KCNIP4: variants seen among roughly 807,000 people sequenced by gnomAD.
KCNIP4 encodes Kv channel-interacting protein 4.
Under a neutral mutation model 34.0 loss-of-function variants are expected in KCNIP4, and 12 were observed. The observed-to-expected ratio is 0.35, with a 90% CI of 0.23 to 0.57. KCNIP4 has a LOEUF of 0.57. Among genes scored for constraint, KCNIP4 ranks in the 20% least tolerant of loss-of-function variants. KCNIP4 has a pLI of 0.83. For synonymous variants in KCNIP4, 124 were observed against 102.2 expected, an observed-to-expected ratio of 1.21 and a Z score of -1.29; for missense variants, 238 against 311.7, an observed-to-expected ratio of 0.76 and a Z score of 1.78.
At chr4:21,737,811 A>C (rs1292829575) in intron 1 of KCNIP4, among the ~76,000 whole-genome samples, 1 of 152,134 alleles carries the variant, frequency 6.6e-6, no homozygotes, top group Admixed American at 6.6e-5. Flanking sequence ...TCAGCCGGGC[A>C]TGGTGGCTCA....
intron 1 of KCNIP4, among the ~76,000 whole-genome samples, chr4:21,299,190 A>T (rs1324520576): frequency 1.3e-5 from 2 of 152,116 alleles, no homozygotes; most frequent in Admixed American, 6.6e-5. Flanking sequence ...CATGTCTGAC[A>T]TATAGGTGAT....
Position 21,078,214 on chromosome 4 carries a change from T to A in KCNIP4, c.62-195505A>T, listed in dbSNP as rs73101767. Among the ~76,000 whole-genome samples the A allele has an allele frequency of 3.5e-3, 533 of 151,424 alleles. 5 individuals are homozygous for A. Among genetic ancestry groups the A allele is most frequent in the African/African-American group, 0.012 (507 of 41,262 alleles). ...AGAGTGACTGGAAAGAGTCAGGGAG[T>A]GCGGGAAAAGAGTCAAAGGTGATCC... On this transcript the variant is annotated intron_variant, in intron 1 of 8. Coordinates refer to ENST00000382152, the MANE Select transcript of KCNIP4 (RefSeq NM_025221.6).
intron 1 of KCNIP4, among the ~76,000 whole-genome samples, chr4:21,086,623 G>A (rs1342166799): frequency 6.7e-6 from 1 of 150,278 alleles, no homozygotes; most frequent in African/African-American, 2.4e-5. Context: ...ATGACTCCAA[G>A]ATGTGTTTGT....
intron 3 of KCNIP4, among the ~76,000 whole-genome samples, chr4:20,781,415 A>G (rs1560460631): frequency 6.6e-6 from 1 of 152,188 alleles, no homozygotes; most frequent in East Asian, 1.9e-4. Flanking sequence ...AAATGTTGGT[A>G]TATCAGTCCA....
intron 1 of KCNIP4, among the ~76,000 whole-genome samples, chr4:21,100,158 A>G (rs562756241): frequency 6.6e-6 from 1 of 152,336 alleles, no homozygotes; most frequent in Admixed American, 6.5e-5. Context: ...TAAAAGTTCT[A>G]TTGCAAGTAA....
intron 1 of KCNIP4, among the ~76,000 whole-genome samples, chr4:21,422,575 C>T (rs566147777): frequency 1.1e-4 from 16 of 151,908 alleles, no homozygotes; most frequent in African/African-American, 3.6e-4. Context: ...ATAAAGCAAT[C>T]TTGGGGGTGA....
chr4:21,821,328 T>C (rs770540638), intron 1 of KCNIP4, among the ~76,000 whole-genome samples: 2 of 152,106 alleles, frequency 1.3e-5, no homozygotes, highest in East Asian at 1.9e-4. Context: ...GTAGGTGCCA[T>C]TGAGGCCCAA....
intron 1 of KCNIP4, among the ~76,000 whole-genome samples, chr4:20,927,064 C>T (rs531551022): frequency 3.3e-5 from 5 of 151,570 alleles, no homozygotes; most frequent in Admixed American, 2.6e-4. Flanking sequence ...CTGCAACCTC[C>T]GCCTCCTGGG....
At chr4:21,202,763 C>A (rs2108958091) in intron 1 of KCNIP4, among the ~76,000 whole-genome samples, 1 of 152,268 alleles carries the variant, frequency 6.6e-6, no homozygotes, top group East Asian at 1.9e-4. Context: ...GATCTCTATA[C>A]CTCTAGTTAT....
intron 1 of KCNIP4, among the ~76,000 whole-genome samples, chr4:21,519,474 ATGTG>A (rs1307544272): frequency 1.0e-5 from 1 of 100,064 alleles, no homozygotes; most frequent in African/African-American, 4.2e-5. Flanking sequence ...GTGTATGTGT[ATGTG>A]TATATACACA....
chr4:21,798,391 AC>A (rs201910199), intron 1 of KCNIP4, among the ~76,000 whole-genome samples: 1,611 of 96,498 alleles, frequency 0.017, 29 homozygotes, highest in African/African-American at 0.061. Flanking sequence ...GTTTCCACAC[AC>A]ACAAAAAAAT....
chr4:21,565,291 A>G (rs76582430), intron 1 of KCNIP4, among the ~76,000 whole-genome samples: 1 of 152,102 alleles, frequency 6.6e-6, no homozygotes, highest in Non-Finnish European at 1.5e-5. Context: ...CATGGTAGAG[A>G]AAAAGTGATC....
chr4:20,836,213 C>T (rs1719023366), intron 3 of KCNIP4, among the ~76,000 whole-genome samples: 1 of 152,202 alleles, frequency 6.6e-6, no homozygotes, highest in Admixed American at 6.5e-5. Context: ...CATCTTATAT[C>T]ACCTTCTCCC....
chr4:21,529,634 G>C (rs1192404309), intron 1 of KCNIP4, among the ~76,000 whole-genome samples: 3 of 152,072 alleles, frequency 2.0e-5, no homozygotes, highest in African/African-American at 7.2e-5. Flanking sequence ...AAGACACCCT[G>C]GATGGTAGTA....
intron 3 of KCNIP4, among the ~76,000 whole-genome samples, chr4:20,798,169 T>C (rs562362302): frequency 6.6e-6 from 1 of 152,326 alleles, no homozygotes; most frequent in South Asian, 2.1e-4. Flanking sequence ...TACAAGACAA[T>C]TTTATGACCC....
At chr4:21,913,536 C>T (rs1728458363) in intron 1 of KCNIP4, among the ~76,000 whole-genome samples, 1 of 152,014 alleles carries the variant, frequency 6.6e-6, no homozygotes. Context: ...AAATAAATTT[C>T]TGTTCTTTAC....
intron 1 of KCNIP4, among the ~76,000 whole-genome samples, chr4:20,912,699 C>A (rs1436775888): frequency 2.0e-5 from 3 of 152,052 alleles, no homozygotes; most frequent in Non-Finnish European, 4.4e-5. Flanking sequence ...AAAAGACAAA[C>A]AACCTAATTT....
intron 1 of KCNIP4, among the ~76,000 whole-genome samples, chr4:21,573,720 A>G (rs1740521717): frequency 6.6e-6 from 1 of 152,148 alleles, no homozygotes; most frequent in African/African-American, 2.4e-5. Context: ...ATTAAGAGAT[A>G]TCTTCATCTA....
At chr4:20,788,187 T>C (rs1712253233) in intron 3 of KCNIP4, among the ~76,000 whole-genome samples, 1 of 152,178 alleles carries the variant, frequency 6.6e-6, no homozygotes, top group African/African-American at 2.4e-5. Flanking sequence ...GTCTAGCAAG[T>C]ATTTTAAATG....
Sources: allele counts gnomAD v4.1 joint callset (sites outside exome capture counted in the v4.1 genomes callset), GRCh38; gene constraint gnomAD v4.1.1; transcripts MANE v1.5; gene names NCBI Gene and HGNC (gene_info 2026-07-23, HGNC 2026-07-21).